Variants in NDFIP2 observed in about 807,000 individuals in gnomAD.
The protein encoded by NDFIP2 is NEDD4 family-interacting protein 2.
NDFIP2 carries 19 observed loss-of-function variants against 36.0 expected under a neutral mutation model. That is an observed-to-expected ratio of 0.53 (90% CI 0.37 to 0.77). The LOEUF (loss-of-function observed/expected upper bound fraction) is 0.77, where lower values mean the gene tolerates loss of function less well. NDFIP2 is among the 30% of genes least tolerant of loss of function. NDFIP2 has a pLI of 0.00. For missense variants in NDFIP2, 446 were observed against 435.8 expected (o/e 1.02, Z -0.21); for synonymous variants, 181 against 167.7 (o/e 1.08, Z -0.61).
intron 1 of NDFIP2, among the ~76,000 whole-genome samples, chr13:79,496,655 G>A (rs1873445181): frequency 6.9e-6 from 1 of 145,448 alleles, no homozygotes; most frequent in African/African-American, 2.5e-5. Context: ...CATGTCCTTT[G>A]AGCTCCAAAT....
chr13:79,545,212 T>C (rs1423289586), intron 5 of NDFIP2, among the ~76,000 whole-genome samples: 1 of 152,218 alleles, frequency 6.6e-6, no homozygotes, highest in Non-Finnish European at 1.5e-5. Flanking sequence ...GTTTTCTCAA[T>C]TCTCCCTGTT....
At position 79,553,622 on chromosome 13, in the gene NDFIP2, T is replaced by C. The variant is rs1039508972; in HGVS notation, c.*1109T>C. The C allele has an allele frequency of 6.6e-6, 1 of 152,102 alleles. No homozygotes were observed. The allele number at this position is 152,102 out of a possible 1,614,324, so 9.4% of individuals were successfully genotyped here. On this transcript the variant is annotated 3_prime_UTR_variant, in exon 8 of 8. Transcript: ENST00000218652. Reference sequence around the variant, plus strand: ...CTTGCTTTATGACTTTAGGATTAACTTGTAAAAAACATATCCTGAACTGAG... The same window carrying C: ...CTTGCTTTATGACTTTAGGATTAACCTGTAAAAAACATATCCTGAACTGAG...
rs143034581 is a variant in NDFIP2, at chr13:79,554,906, C to G, written c.*2393C>G. 6.6e-6 allele frequency: 1 copy of G among 151,942 alleles called. No individual in the cohort carries two copies. Among genetic ancestry groups the G allele is most frequent in the Admixed American group, 6.6e-5 (1 of 15,250 alleles). 9.4% of individuals were successfully genotyped at this position (151,942 alleles called of 1,614,324 possible). A position where few individuals can be genotyped will look rare whatever the true frequency, so the allele number is the denominator to read the frequency against. ...AGTCATGGCTAGGATAATCCATTTTCATGTATTTATGCAATAAACTGAATT... is the reference window on the plus strand; with the variant it reads ...AGTCATGGCTAGGATAATCCATTTTGATGTATTTATGCAATAAACTGAATT... On this transcript the variant is annotated 3_prime_UTR_variant, in exon 8 of 8. Coordinates refer to ENST00000218652, the MANE Select transcript of NDFIP2 (RefSeq NM_019080.3).
chr13:79,529,305 C>T (rs1425315691), intron 2 of NDFIP2, among the ~76,000 whole-genome samples: 1 of 151,992 alleles, frequency 6.6e-6, no homozygotes, highest in Non-Finnish European at 1.5e-5. Flanking sequence ...TTGAGTTTTC[C>T]TACCCAACTT....
chr13:79,530,429 A>G (rs985283736), intron 2 of NDFIP2, among the ~76,000 whole-genome samples: 8 of 152,314 alleles, frequency 5.3e-5, no homozygotes, highest in African/African-American at 1.7e-4. Context: ...AGCTGTGGCA[A>G]TTTGTTAAAA....
chr13:79,510,373 A>AT (rs764423924), intron 1 of NDFIP2, among the ~76,000 whole-genome samples: 6 of 143,928 alleles, frequency 4.2e-5, no homozygotes, highest in African/African-American at 8.0e-5. Context: ...GCCCATGGTG[A>AT]TTTTTTTTGT....
intron 1 of NDFIP2, chr13:79,519,172 A>G (rs1052122822): frequency 6.6e-6 from 1 of 152,202 alleles, no homozygotes; most frequent in Non-Finnish European, 1.5e-5. Flanking sequence ...TCAAATTGGT[A>G]TGTATACTAG....
chr13:79,495,088 C>T (rs890664586), intron 1 of NDFIP2, among the ~76,000 whole-genome samples: 1 of 151,764 alleles, frequency 6.6e-6, no homozygotes, highest in Non-Finnish European at 1.5e-5. Flanking sequence ...TTCTAGAAAT[C>T]TTATTTTCTA....
chr13:79,537,067 AATG>A (rs1382406645), intron 3 of NDFIP2, among the ~76,000 whole-genome samples: 3 of 151,520 alleles, frequency 2.0e-5, no homozygotes, highest in Admixed American at 6.6e-5. Flanking sequence ...TTTTTTCCTA[AATG>A]ATGACTTTTG....
At chr13:79,497,795 G>T (rs5016208) in intron 1 of NDFIP2, among the ~76,000 whole-genome samples, 74,473 of 128,710 alleles carry the variant, frequency 0.58, 20,005 homozygotes, top group African/African-American at 0.68. Flanking sequence ...ATCTGTGGGG[G>T]GTGTGTGTGT....
chr13:79,483,992 A>G (rs2079829376), intron 1 of NDFIP2, among the ~76,000 whole-genome samples: 1 of 151,896 alleles, frequency 6.6e-6, no homozygotes, highest in African/African-American at 2.4e-5. Flanking sequence ...TCTAACTTTG[A>G]TGTTCGTTAT....
chr13:79,497,476 C>T (rs542330472), intron 1 of NDFIP2, among the ~76,000 whole-genome samples: 1 of 152,050 alleles, frequency 6.6e-6, no homozygotes, highest in East Asian at 1.9e-4. Context: ...TTACAAGTTT[C>T]AGCTTCCTGC....
chr13:79,539,329 A>G (rs757879150), intron 3 of NDFIP2, among the ~76,000 whole-genome samples: 4 of 152,188 alleles, frequency 2.6e-5, no homozygotes, highest in Non-Finnish European at 2.9e-5. Flanking sequence ...TGCCAACAAT[A>G]TAAGTTGTAC....
chr13:79,481,649 T>G, intron 1 of NDFIP2, 125 bp downstream of exon 1: 1 of 1,221,956 alleles, frequency 8.2e-7, no homozygotes, highest in Non-Finnish European at 1.1e-6. Context: ...TGTTTTGTTT[T>G]TTTGGATCTT....
chr13:79,513,911 A>G (rs1430317278), intron 1 of NDFIP2, among the ~76,000 whole-genome samples: 4 of 152,328 alleles, frequency 2.6e-5, no homozygotes, highest in East Asian at 3.9e-4. Flanking sequence ...TTCAAGAAGC[A>G]TATCTCTTTT....
Position 79,481,405 on chromosome 13 carries a change from A to C in NDFIP2, c.202A>C (p.Thr68Pro), listed in dbSNP as rs1307423789. Reference sequence around the variant, plus strand: ...AGGCGGAAGGGGCCCTGCGGCGACGACGTCGTCGACGGGGGTGGCCGTGGG... The same window carrying C: ...AGGCGGAAGGGGCCCTGCGGCGACGCCGTCGTCGACGGGGGTGGCCGTGGG... ...NGGGRGPAATTSSTGVAVGAE... is the reference protein window; with the variant it reads ...NGGGRGPAATPSSTGVAVGAE... Residue 68 changes from threonine to proline, a missense_variant, in exon 1 of 8, where the codon ACG becomes CCG. Coordinates refer to ENST00000218652, the MANE Select transcript of NDFIP2 (RefSeq NM_019080.3). 2.2e-5 allele frequency: 35 copies of C among 1,556,044 alleles called. No homozygotes were observed. The highest frequency in any genetic ancestry group is 3.0e-5 in the Non-Finnish European group (35 of 1,149,722).
chr13:79,539,212 ATGTG>A (rs968505763), intron 3 of NDFIP2, among the ~76,000 whole-genome samples: 1 of 151,904 alleles, frequency 6.6e-6, no homozygotes, highest in Non-Finnish European at 1.5e-5. Context: ...AAGAGGGAAT[ATGTG>A]TGTGTGTGTA....
intron 1 of NDFIP2, among the ~76,000 whole-genome samples, chr13:79,502,822 G>T (rs2140746268): frequency 6.6e-6 from 1 of 151,588 alleles, no homozygotes; most frequent in East Asian, 1.9e-4. Context: ...ATCACTAAAG[G>T]AAAGAAGGGA....
intron 1 of NDFIP2, among the ~76,000 whole-genome samples, chr13:79,499,107 T>C (rs1395839013): frequency 6.6e-6 from 1 of 151,914 alleles, no homozygotes; most frequent in Non-Finnish European, 1.5e-5. Context: ...GATTCAAAAA[T>C]TAATTAATGT....
Sources: gnomAD v4.1 joint callset for allele counts (sites outside exome capture counted in the v4.1 genomes callset) on GRCh38, gnomAD v4.1.1 for gene constraint, MANE v1.5 for transcripts, NCBI Gene and HGNC (gene_info 2026-07-23, HGNC 2026-07-21) for gene names.